RASGEF1C: variants seen among roughly 807,000 people sequenced by gnomAD.
RASGEF1C encodes the protein RasGEF domain family member 1C.
A neutral mutation model predicts 58.1 loss-of-function variants in RASGEF1C; 27 were observed. The ratio of observed to expected loss-of-function variants is 0.46; its 90% CI spans 0.34 to 0.64. The LOEUF (loss-of-function observed/expected upper bound fraction) is 0.64, where lower values mean the gene tolerates loss of function less well. Ranked by LOEUF, RASGEF1C falls within the 30% of genes least tolerant of loss-of-function variation. RASGEF1C has a pLI of 0.01. For missense variants in RASGEF1C, 502 were observed against 605.1 expected, an observed-to-expected ratio of 0.83 and a Z score of 1.79; for synonymous variants, 243 against 246.3, an observed-to-expected ratio of 0.99 and a Z score of 0.13.
intron 10 of RASGEF1C, 36 bp from the exon 11 acceptor site, chr5:180,114,577 C>T (rs1214029992): frequency 6.3e-7 from 1 of 1,584,526 alleles, no homozygotes; most frequent in Admixed American, 1.7e-5. Context: ...CCCCAGCCGG[C>T]CCTCCACACA....
chr5:180,207,644 T>G (rs1756512577), intron 1 of RASGEF1C, among the ~76,000 whole-genome samples: 1 of 53,114 alleles, frequency 1.9e-5, no homozygotes, highest in African/African-American at 5.6e-5. Flanking sequence ...GCCCTCCCTC[T>G]CCTGCCCCGG....
In RASGEF1C at chr5:180,137,879, G is replaced by A. The variant is rs1281604678; in HGVS notation, c.174C>T (p.Pro58=). ...GCCCGCTGGGTGGATCACCCACCTC[G>A]GGGTAGTAGTCGGCTGTGGGCACCA... ...QHLVPTADYY[P]EKAYIFTFLL... The change falls in exon 2 of 14, where the codon CCC becomes CCT. Residue 58 remains proline, a synonymous_variant. Transcript: ENST00000361132. The surrounding 1 kb of genome is among the most constrained non-coding windows in gnomAD (Gnocchi z 4.1). The A allele has an allele frequency of 6.2e-7, 1 of 1,611,950 alleles. No homozygotes were observed. Among genetic ancestry groups the A allele is most frequent in the Non-Finnish European group, 8.5e-7 (1 of 1,179,422 alleles).
At chr5:180,130,225 A>T (rs1036488452) in intron 4 of RASGEF1C, among the ~76,000 whole-genome samples, 27 of 152,236 alleles carry the variant, frequency 1.8e-4, no homozygotes, top group African/African-American at 6.5e-4. Context: ...TTGGGAGCAG[A>T]GGCCAGGGAA....
chr5:180,117,195 ACC>A (rs928683062), intron 10 of RASGEF1C, among the ~76,000 whole-genome samples: 2 of 152,156 alleles, frequency 1.3e-5, no homozygotes, highest in African/African-American at 4.8e-5. Context: ...CCTGCCTGGG[ACC>A]CAGAGTCACT....
intron 1 of RASGEF1C, among the ~76,000 whole-genome samples, chr5:180,181,237 A>G (rs1379524306): frequency 6.6e-6 from 1 of 152,254 alleles, no homozygotes; most frequent in African/African-American, 2.4e-5. Flanking sequence ...TAAACATAAA[A>G]GACTTAAAAA....
chr5:180,162,102 G>A (rs1766952858), intron 1 of RASGEF1C, among the ~76,000 whole-genome samples: 1 of 152,240 alleles, frequency 6.6e-6, no homozygotes, highest in Non-Finnish European at 1.5e-5. Flanking sequence ...GAGCTAGCAA[G>A]CCTGGGACAG....
chr5:180,174,472 A>C (rs937939440), intron 1 of RASGEF1C, among the ~76,000 whole-genome samples: 85 of 104,440 alleles, frequency 8.1e-4, no homozygotes, highest in Middle Eastern at 4.9e-3. Context: ...GTCTGTGTGT[A>C]TGTGTGTCTG....
At chr5:180,125,057 CG>C (rs1766232566) in intron 6 of RASGEF1C, among the ~76,000 whole-genome samples, 1 of 152,036 alleles carries the variant, frequency 6.6e-6, no homozygotes, top group East Asian at 1.9e-4. Flanking sequence ...CACTTGAGCC[CG>C]GGAGGTTGAG....
At chr5:180,123,591 C>A (rs902395815) in intron 6 of RASGEF1C, among the ~76,000 whole-genome samples, 1 of 152,020 alleles carries the variant, frequency 6.6e-6, no homozygotes, top group African/African-American at 2.4e-5. Context: ...AATCAACCAT[C>A]TTTCATGCTT....
At position 180,156,933 on chromosome 5, in the gene RASGEF1C, A is replaced by G. The variant is rs1766859801; in HGVS notation, c.-6-18875T>C. Among the ~76,000 whole-genome samples, 1 of 152,224 alleles carries G rather than the reference A, an allele frequency of 6.6e-6. No homozygotes were observed. Among genetic ancestry groups the G allele is most frequent in the Non-Finnish European group, 1.5e-5 (1 of 68,032 alleles). ...CATTTACAAAGGTGCTTCACATCAT[A>G]TGTCATCAGGGAAATGCAAATTAGA... On this transcript the variant is annotated intron_variant, in intron 1 of 13. Transcript: ENST00000361132. This position sits in a 1 kb window ranked among gnomAD's most constrained non-coding sequence, Gnocchi z 4.9.
intron 1 of RASGEF1C, among the ~76,000 whole-genome samples, chr5:180,196,600 T>C (rs998470140): frequency 1.3e-5 from 2 of 152,214 alleles, no homozygotes; most frequent in African/African-American, 4.8e-5. Context: ...GGGGTGTTTG[T>C]TCATTTTTCT....
intron 1 of RASGEF1C, among the ~76,000 whole-genome samples, chr5:180,180,205 A>C (rs1463956741): frequency 1.3e-5 from 2 of 152,198 alleles, no homozygotes; most frequent in African/African-American, 4.8e-5. Context: ...TGGAGGTAAT[A>C]ACAAGTAGAA....
chr5:180,182,181 G>A (rs1351577138), intron 1 of RASGEF1C, among the ~76,000 whole-genome samples: 12 of 126,336 alleles, frequency 9.5e-5, no homozygotes, highest in South Asian at 2.7e-4. Context: ...CTCCAGCCTG[G>A]GCAACAGAGC....
chr5:180,184,263 T>C (rs1755985996), intron 1 of RASGEF1C, among the ~76,000 whole-genome samples: 1 of 152,038 alleles, frequency 6.6e-6, no homozygotes, highest in South Asian at 2.1e-4. Flanking sequence ...GTAAATGTTC[T>C]AAACAATCCA....
rs115697704 is a variant in RASGEF1C at position 180,101,463 on chromosome 5, C to G, written c.*38G>C. ...GAGGCAGGGCTGTGGACGGCTTCTG[C>G]GGGCTCCAGCTCTTCCTCGTCCCTC... is the stretch of plus-strand genomic sequence containing the variant. On this transcript the variant is annotated 3_prime_UTR_variant, in exon 14 of 14. Transcript: ENST00000361132. 6 of 1,606,348 alleles carry G rather than the reference C, an allele frequency of 3.7e-6. No homozygotes were observed. The highest frequency in any genetic ancestry group is 5.1e-6 in the Non-Finnish European group (6 of 1,179,248).
At chr5:180,202,827 C>T (rs551782501) in intron 1 of RASGEF1C, among the ~76,000 whole-genome samples, 4 of 152,088 alleles carry the variant, frequency 2.6e-5, no homozygotes, top group Admixed American at 6.5e-5. Context: ...CTCAGCCTCC[C>T]GACTAGCTGG....
intron 10 of RASGEF1C, among the ~76,000 whole-genome samples, chr5:180,117,722 A>G (rs186189719): frequency 9.2e-5 from 14 of 152,302 alleles, no homozygotes; most frequent in Non-Finnish European, 1.8e-4. Context: ...GGCTGGGCGC[A>G]GTGGCTCACG....
At chr5:180,173,719 C>T (rs1767154383) in intron 1 of RASGEF1C, among the ~76,000 whole-genome samples, 2 of 152,078 alleles carry the variant, frequency 1.3e-5, no homozygotes, top group African/African-American at 4.8e-5. Flanking sequence ...TTGAGACCAG[C>T]CTGGCCAACA....
intron 1 of RASGEF1C, among the ~76,000 whole-genome samples, chr5:180,195,617 CTGGG>C (rs1756256536): frequency 6.6e-6 from 1 of 151,922 alleles, no homozygotes; most frequent in Admixed American, 6.6e-5. Context: ...AAAAAATTAG[CTGGG>C]CGCGGTGGCG....
Sources: gnomAD v4.1 joint callset for allele counts (sites outside exome capture counted in the v4.1 genomes callset) on GRCh38, gnomAD v4.1.1 for gene constraint, Gnocchi (gnomAD v3.1) non-coding constraint, MANE v1.5 for transcripts, NCBI Gene and HGNC (gene_info 2026-07-23, HGNC 2026-07-21) for gene names.